The following FILIP1L variants were observed in gnomAD, a reference collection of about 807,000 sequenced individuals.
The protein encoded by FILIP1L is filamin A-interacting protein 1-like.
A neutral mutation model predicts 96.6 loss-of-function variants in FILIP1L; 55 were observed. The ratio of observed to expected loss-of-function variants is 0.57; its 90% confidence interval spans 0.46 to 0.71. The LOEUF is 0.71. Ranked by LOEUF, FILIP1L falls within the 30% of genes least tolerant of loss-of-function variation. The pLI, the probability that FILIP1L is intolerant of heterozygous loss-of-function variation, is 0.00. For synonymous variants in FILIP1L, 467 were observed against 473.9 expected, an observed-to-expected ratio of 0.99 and a Z score of 0.19; for missense variants, 1,304 against 1,321.2, an observed-to-expected ratio of 0.99 and a Z score of 0.20.
intron 1 of FILIP1L, among the ~76,000 whole-genome samples, chr3:99,999,200 G>A (rs1474421452): frequency 2.6e-5 from 4 of 152,294 alleles, no homozygotes; most frequent in African/African-American, 9.6e-5. Flanking sequence ...ATCTCTAGGT[G>A]AGGAAGCATA....
chr3:100,026,321 C>T (rs2064920475), intron 1 of FILIP1L, among the ~76,000 whole-genome samples: 1 of 152,060 alleles, frequency 6.6e-6, no homozygotes, highest in Non-Finnish European at 1.5e-5. Context: ...GGATCCTAAA[C>T]TCAAGCTGTC....
intron 3 of FILIP1L, among the ~76,000 whole-genome samples, chr3:99,925,301 C>A (rs1159572253): frequency 6.6e-6 from 1 of 152,204 alleles, no homozygotes; most frequent in Non-Finnish European, 1.5e-5. Flanking sequence ...ACTATACTTA[C>A]ATCTTTTTTA....
intron 1 of FILIP1L, among the ~76,000 whole-genome samples, chr3:100,088,311 A>G (rs765289145): frequency 6.6e-6 from 1 of 152,206 alleles, no homozygotes; most frequent in Non-Finnish European, 1.5e-5. Context: ...AGAAGTTAAT[A>G]TAGGTTTTCA....
intron 1 of FILIP1L, among the ~76,000 whole-genome samples, chr3:100,035,937 A>G (rs1026282729): frequency 6.6e-6 from 1 of 152,226 alleles, no homozygotes; most frequent in Admixed American, 6.5e-5. Context: ...CTCTGAGGAT[A>G]AAAAGATGAA....
At chr3:99,859,511 G>T (rs1025599111) in intron 4 of FILIP1L, among the ~76,000 whole-genome samples, 10 of 152,062 alleles carry the variant, frequency 6.6e-5, no homozygotes, top group African/African-American at 2.4e-4. Flanking sequence ...TTTTCTTCCT[G>T]ATTTAATATG....
At chr3:99,842,587 C>T (rs927945890) in intron 5 of FILIP1L, among the ~76,000 whole-genome samples, 32 of 151,160 alleles carry the variant, frequency 2.1e-4, no homozygotes, top group Non-Finnish European at 7.4e-5. Flanking sequence ...AAGAAGAACT[C>T]ACTAAAATAA....
chr3:99,868,714 G>C (rs1259658410), intron 4 of FILIP1L, among the ~76,000 whole-genome samples: 1 of 152,088 alleles, frequency 6.6e-6, no homozygotes, highest in Non-Finnish European at 1.5e-5. Context: ...TTTCATAATA[G>C]ACTTCTGAAG....
chr3:99,859,198 T>A (rs1360885932), intron 4 of FILIP1L, among the ~76,000 whole-genome samples: 1 of 152,266 alleles, frequency 6.6e-6, no homozygotes, highest in Admixed American at 6.5e-5. Context: ...TGACATTTAA[T>A]TCATTTCAGA....
At chr3:99,998,431 A>G (rs1576630456) in intron 1 of FILIP1L, among the ~76,000 whole-genome samples, 1 of 152,336 alleles carries the variant, frequency 6.6e-6, no homozygotes, top group South Asian at 2.1e-4. Flanking sequence ...TAAACTATAT[A>G]TACGTACTCA....
chr3:100,026,833 T>C lies in FILIP1L; in HGVS notation c.-11+87220A>G, dbSNP rs1189710714. 2.6e-5 allele frequency among the ~76,000 whole-genome samples: 4 copies of C among 152,240 alleles called. No individual in the cohort carries two copies. The South Asian group carries it at 6.2e-4, about 24-fold the overall frequency. ...ATTCTTTCTCTCCTGCAGCCAGAAC[T>C]GTAAGTCAGATCACATCGCCCCACT... On this transcript the variant is annotated intron_variant, in intron 1 of 5. Coordinates refer to ENST00000477258, the MANE Select transcript of FILIP1L (RefSeq NM_001387850.1).
chr3:99,864,231 A>T (rs1329863345), intron 4 of FILIP1L, among the ~76,000 whole-genome samples: 1 of 152,162 alleles, frequency 6.6e-6, no homozygotes, highest in Non-Finnish European at 1.5e-5. Flanking sequence ...CTTAGTTGAA[A>T]AACTGAGGCC....
At chr3:100,096,222 A>G (rs2066205088) in intron 1 of FILIP1L, among the ~76,000 whole-genome samples, 2 of 151,976 alleles carry the variant, frequency 1.3e-5, no homozygotes, top group South Asian at 4.1e-4. Flanking sequence ...GAAAACTAAA[A>G]CTAGAGCTAC....
chr3:99,983,543 A>T (rs1709235639), intron 1 of FILIP1L, among the ~76,000 whole-genome samples: 1 of 140,102 alleles, frequency 7.1e-6, no homozygotes, highest in Non-Finnish European at 1.5e-5. Flanking sequence ...GAAAAAAATT[A>T]GCCAGGTGTG....
intron 1 of FILIP1L, among the ~76,000 whole-genome samples, chr3:100,079,725 T>G (rs2065902531): frequency 6.6e-6 from 1 of 152,090 alleles, no homozygotes; most frequent in East Asian, 1.9e-4. Flanking sequence ...TATTCACACT[T>G]TAGAACAAAA....
intron 3 of FILIP1L, among the ~76,000 whole-genome samples, chr3:99,929,563 T>C (rs949438151): frequency 6.6e-6 from 1 of 151,986 alleles, no homozygotes; most frequent in African/African-American, 2.4e-5. Context: ...TGTGTGTGCA[T>C]GTGTGTGTTT....
In FILIP1L at chr3:99,930,900, G is replaced by A. The variant is rs756479525; in HGVS notation, c.121C>T (p.Pro41Ser). The A allele has an allele frequency of 6.2e-7, 1 of 1,613,380 alleles. No individual in the cohort carries two copies. Among genetic ancestry groups the A allele is most frequent in the Non-Finnish European group, 8.5e-7 (1 of 1,179,846 alleles). The change falls in exon 2 of 6, where the codon CCC becomes TCC. Residue 41 changes from proline (P) to serine (S), a missense_variant. By Grantham distance (74) the Pro-to-Ser change is moderately conservative. Transcript: ENST00000477258. ...MKHRQQDKDS[P>S]SESDVILPCP... The stretch of plus-strand genomic sequence containing the variant: ...GGAAGTATTACATCCGACTCACTGG[G>A]GGAGTCTTTGTCTTGCTGTCTATGC...
chr3:99,937,662 C>G (rs1707721945), intron 1 of FILIP1L, among the ~76,000 whole-genome samples: 3 of 152,206 alleles, frequency 2.0e-5, no homozygotes, highest in Admixed American at 2.0e-4. Flanking sequence ...CCATGTCCTA[C>G]AGAGTTGGAC....
chr3:99,879,992 A>G (rs1426395304), intron 4 of FILIP1L, among the ~76,000 whole-genome samples: 1 of 152,046 alleles, frequency 6.6e-6, no homozygotes, highest in Non-Finnish European at 1.5e-5. Context: ...CTACCACCTT[A>G]CCCACAGCCT....
At chr3:100,014,887 C>CTTTTTTTTTTTTTTTTTTTTTTTTTTTTT (rs1559725867) in intron 1 of FILIP1L, among the ~76,000 whole-genome samples, 2 of 32,460 alleles carry the variant, frequency 6.2e-5, no homozygotes, top group Non-Finnish European at 1.2e-4. Flanking sequence ...TTTTTTTTTT[C>CTTTTTTTTTTTTTTTTTTTTTTTTTTTTT]TTTCTTTCTT....
Sources: gnomAD v4.1 joint callset for allele counts (sites outside exome capture counted in the v4.1 genomes callset) on GRCh38, gnomAD v4.1.1 for gene constraint, MANE v1.5 for transcripts, NCBI Gene and HGNC (gene_info 2026-07-23, HGNC 2026-07-21) for gene names.